The following LY96 variants were observed in gnomAD, a reference collection of about 807,000 sequenced individuals.
LY96 encodes lymphocyte antigen 96.
Under a neutral mutation model 18.9 loss-of-function variants are expected in LY96, and 18 were observed. That is an observed-to-expected ratio of 0.95 (90% CI 0.66 to 1.41). The LOEUF (loss-of-function observed/expected upper bound fraction) is 1.41. Among genes scored for constraint, LY96 ranks in the 40% most tolerant of loss-of-function variants. The pLI, the probability that LY96 is intolerant of heterozygous loss-of-function variation, is 0.00. For missense variants in LY96, 175 were observed against 182.4 expected, an observed-to-expected ratio of 0.96 and a Z score of 0.23; for synonymous variants, 66 against 62.6, an observed-to-expected ratio of 1.06 and a Z score of -0.26.
chr8:73,999,266 G>A (rs1011667197), intron 1 of LY96, among the ~76,000 whole-genome samples: 3 of 151,826 alleles, frequency 2.0e-5, no homozygotes, highest in Non-Finnish European at 4.4e-5. Context: ...CACCACACCT[G>A]GCAATTTTAA....
downstream of LY96, among the ~76,000 whole-genome samples, chr8:74,032,329 T>A (rs561358638): frequency 6.6e-6 from 1 of 152,204 alleles, no homozygotes; most frequent in East Asian, 1.9e-4. Flanking sequence ...GAAGAAGAAG[T>A]AAAAACTAAA....
At chr8:74,073,025 T>C in the LY96 span, among the ~76,000 whole-genome samples, 1 of 152,296 alleles carries the variant, frequency 6.6e-6, no homozygotes, top group South Asian at 2.1e-4. Context: ...TTGAAGTCCA[T>C]GATGCAGGTA....
the LY96 span, among the ~76,000 whole-genome samples, chr8:74,078,763 A>C: frequency 6.6e-6 from 1 of 152,080 alleles, no homozygotes. Context: ...TGCTGATGAC[A>C]CTCTTGCCTA....
intron 3 of LY96, among the ~76,000 whole-genome samples, chr8:74,019,079 A>G (rs987940017): frequency 2.6e-5 from 4 of 152,236 alleles, no homozygotes; most frequent in African/African-American, 2.4e-5. Flanking sequence ...AGATCAGAGC[A>G]GAACTGAACG....
intron 1 of LY96, among the ~76,000 whole-genome samples, chr8:74,002,573 CTT>C (rs750666985): frequency 0.027 from 3,574 of 131,330 alleles, 156 homozygotes; most frequent in Admixed American, 0.11. Context: ...TTATTTATTT[CTT>C]TTTTTTTTTT....
At chr8:74,072,339 A>T in the LY96 span, among the ~76,000 whole-genome samples, 2 of 152,100 alleles carry the variant, frequency 1.3e-5, no homozygotes, top group African/African-American at 4.8e-5. Context: ...GAAATTAAAA[A>T]TTTTCCATAT....
At chr8:74,020,291 C>G (rs1255764461) in intron 3 of LY96, among the ~76,000 whole-genome samples, 1 of 152,014 alleles carries the variant, frequency 6.6e-6, no homozygotes, top group Admixed American at 6.6e-5. Flanking sequence ...AAACAGAGAG[C>G]CAAATCATGA....
chr8:74,021,812 A>G (rs1236446903), intron 3 of LY96, among the ~76,000 whole-genome samples: 2 of 152,104 alleles, frequency 1.3e-5, no homozygotes, highest in Non-Finnish European at 1.5e-5. Context: ...TGAGCAAACT[A>G]TTGTAAGGAC....
downstream of LY96, among the ~76,000 whole-genome samples, chr8:74,030,710 A>G (rs114668512): frequency 2.6e-3 from 402 of 151,954 alleles, 3 homozygotes; most frequent in African/African-American, 9.3e-3. Flanking sequence ...GCAGCTTCAT[A>G]TTGGAGGTTC....
intron 1 of LY96, among the ~76,000 whole-genome samples, chr8:73,998,556 A>G (rs1183068364): frequency 6.6e-6 from 1 of 151,956 alleles, no homozygotes; most frequent in Non-Finnish European, 1.5e-5. Flanking sequence ...GGTGGCATGC[A>G]CCTGTAGTAC....
chr8:74,066,221 T>C, the LY96 span, among the ~76,000 whole-genome samples: 2 of 151,730 alleles, frequency 1.3e-5, no homozygotes, highest in African/African-American at 4.8e-5. Context: ...GCAGAAGGGG[T>C]AGTGGTAGAA....
chr8:74,090,044 G>A, the LY96 span, among the ~76,000 whole-genome samples: 1 of 152,268 alleles, frequency 6.6e-6, no homozygotes, highest in Non-Finnish European at 1.5e-5. Context: ...GGATGAGATG[G>A]AAGCTTTGGA....
chr8:74,000,666 G>A (rs539974403), intron 1 of LY96, among the ~76,000 whole-genome samples: 2 of 152,256 alleles, frequency 1.3e-5, no homozygotes, highest in South Asian at 4.1e-4. Flanking sequence ...ACCTGTTACA[G>A]CAACACCTCA....
chr8:74,049,580 GC>G, the LY96 span, among the ~76,000 whole-genome samples: 1 of 152,112 alleles, frequency 6.6e-6, no homozygotes, highest in Non-Finnish European at 1.5e-5. Flanking sequence ...AAAGAAAAAA[GC>G]AAACAAACAA....
At chr8:74,055,210 C>A in the LY96 span, among the ~76,000 whole-genome samples, 7 of 152,146 alleles carry the variant, frequency 4.6e-5, no homozygotes, top group Non-Finnish European at 1.0e-4. Flanking sequence ...ACTCGGCCAT[C>A]ATGTATCATT....
the LY96 span, among the ~76,000 whole-genome samples, chr8:74,061,362 C>G: frequency 6.6e-6 from 1 of 152,206 alleles, no homozygotes; most frequent in Non-Finnish European, 1.5e-5. Context: ...AGATGACTGT[C>G]TGCTTTGCAG....
the LY96 span, among the ~76,000 whole-genome samples, chr8:74,039,393 A>AG: frequency 6.6e-6 from 1 of 152,064 alleles, no homozygotes; most frequent in Non-Finnish European, 1.5e-5. Context: ...GTTCAGCCCT[A>AG]GGGGGGTTAA....
chr8:74,093,677 C>A, the LY96 span, among the ~76,000 whole-genome samples: 1 of 152,136 alleles, frequency 6.6e-6, no homozygotes, highest in Non-Finnish European at 1.5e-5. Context: ...GGAGATAATG[C>A]CAGCCAATCT....
chr8:74,099,099 C>T, the LY96 span, among the ~76,000 whole-genome samples: 1 of 152,200 alleles, frequency 6.6e-6, no homozygotes, highest in Admixed American at 6.5e-5. Flanking sequence ...CTTTTATGGA[C>T]TGAATTTTGT....
Sources: allele counts gnomAD v4.1 joint callset (sites outside exome capture counted in the v4.1 genomes callset), GRCh38; gene constraint gnomAD v4.1.1; transcripts MANE v1.5; gene names NCBI Gene and HGNC (gene_info 2026-07-23, HGNC 2026-07-21).